MAGI3: variants seen among roughly 807,000 people sequenced by gnomAD.
MAGI3 encodes membrane associated guanylate kinase, WW and PDZ domain containing 3.
In MAGI3, 43 loss-of-function variants were observed where a neutral mutation model predicts 121.8. The ratio of observed to expected loss-of-function variants is 0.35; its 90% CI spans 0.28 to 0.46. MAGI3 has a LOEUF of 0.46. Among genes scored for constraint, MAGI3 ranks in the 20% least tolerant of loss-of-function variants. The probability of loss-of-function intolerance (pLI) is 1.00; values close to 1 mark genes in which losing one functional copy is unlikely to be tolerated. For missense variants in MAGI3, 1,547 were observed against 1,797.3 expected (o/e 0.86, Z 2.52); for synonymous variants, 553 against 639.3 (o/e 0.86, Z 2.04).
chr1:113,523,965 A>G (rs954530884), intron 1 of MAGI3, among the ~76,000 whole-genome samples: 5 of 152,244 alleles, frequency 3.3e-5, no homozygotes, highest in African/African-American at 1.2e-4. Flanking sequence ...TGCTGTGTGC[A>G]GTCTAGGGAC....
rs182711049 is a variant in MAGI3 at position 113,510,884 on chromosome 1, C to T, written c.317-38631C>T. 2.0e-4 allele frequency among the ~76,000 whole-genome samples: 30 copies of T among 152,274 alleles called. No homozygotes were observed. The East Asian group carries it at 3.5e-3, about 18-fold the overall frequency. The stretch of plus-strand genomic sequence containing the variant: ...TTTGCCCTGAGTATCCTTATTTTGC[C>T]GCTCAAATGTCCCTTGATTTCTCTA... On this transcript the variant is annotated intron_variant, in intron 1 of 20. Coordinates refer to ENST00000307546, the MANE Select transcript of MAGI3 (RefSeq NM_001142782.2).
intron 1 of MAGI3, among the ~76,000 whole-genome samples, chr1:113,531,807 T>C (rs1042043237): frequency 5.9e-5 from 9 of 152,134 alleles, no homozygotes; most frequent in Non-Finnish European, 1.3e-4. Flanking sequence ...TCACCATGTC[T>C]CCCTTTAAGG....
chr1:113,528,458 A>G (rs570154099), intron 1 of MAGI3, among the ~76,000 whole-genome samples: 1 of 152,254 alleles, frequency 6.6e-6, no homozygotes, highest in East Asian at 1.9e-4. Flanking sequence ...TTCAGATTAA[A>G]TGTTTTGGCA....
In MAGI3 at chr1:113,653,899, G is replaced by T; in HGVS notation, c.2510G>T (p.Arg837Leu). 1 of 1,613,944 alleles carries T rather than the reference G, an allele frequency of 6.2e-7. No homozygotes were observed. The highest frequency in any genetic ancestry group is 8.5e-7 in the Non-Finnish European group (1 of 1,179,914). ...STQNGSPRLN[R>L]AEVPARPAPQ... ...CAGAATGGATCTCCCCGCCTGAACC[G>T]GGCAGAGGTCCCAGCCAGGCCTGCA... The change falls in exon 15 of 21, where the codon CGG (arginine) becomes CTG (leucine). Residue 837 changes from arginine (R) to leucine (L), a missense_variant. Coordinates refer to ENST00000307546, the MANE Select transcript of MAGI3 (RefSeq NM_001142782.2).
At chr1:113,406,580 T>G (rs1570626414) in intron 1 of MAGI3, among the ~76,000 whole-genome samples, 1 of 152,008 alleles carries the variant, frequency 6.6e-6, no homozygotes, top group South Asian at 2.1e-4. Context: ...CTTATTAAAG[T>G]ATAAAAAATT....
intron 6 of MAGI3, among the ~76,000 whole-genome samples, chr1:113,612,388 C>A (rs942739734): frequency 6.6e-6 from 1 of 152,054 alleles, no homozygotes; most frequent in Non-Finnish European, 1.5e-5. Flanking sequence ...ACTATAAACT[C>A]CTTGAAGTCA....
chr1:113,637,188 G>T (rs1261497914), intron 9 of MAGI3, among the ~76,000 whole-genome samples: 1 of 152,108 alleles, frequency 6.6e-6, no homozygotes, highest in East Asian at 1.9e-4. Context: ...TATCCAATTT[G>T]CCAGTCTGTG....
At chr1:113,399,310 G>C (rs920591380) in intron 1 of MAGI3, among the ~76,000 whole-genome samples, 1 of 152,116 alleles carries the variant, frequency 6.6e-6, no homozygotes, top group African/African-American at 2.4e-5. Flanking sequence ...TTGGTCAGGC[G>C]TGGGGACATG....
chr1:113,399,367 G>A (rs1441923527), intron 1 of MAGI3, among the ~76,000 whole-genome samples: 5 of 152,206 alleles, frequency 3.3e-5, no homozygotes, highest in South Asian at 4.1e-4. Flanking sequence ...ATTAATAACT[G>A]TAGCAGAACC....
chr1:113,438,750 G>A (rs1653764331), intron 1 of MAGI3, among the ~76,000 whole-genome samples: 1 of 152,136 alleles, frequency 6.6e-6, no homozygotes, highest in African/African-American at 2.4e-5. Context: ...CCTCCCACTA[G>A]GTTCCACCTC....
intron 1 of MAGI3, among the ~76,000 whole-genome samples, chr1:113,438,550 A>T (rs1653753442): frequency 6.6e-6 from 1 of 152,216 alleles, no homozygotes; most frequent in Non-Finnish European, 1.5e-5. Flanking sequence ...ACAGTTAGGC[A>T]GGCTGTACAG....
intron 16 of MAGI3, among the ~76,000 whole-genome samples, chr1:113,665,568 A>G: frequency 6.6e-6 from 1 of 152,132 alleles, no homozygotes; most frequent in South Asian, 2.1e-4. Context: ...TATATTGTGT[A>G]TACGCGTATA....
At chr1:113,607,637 A>G (rs940252071) in intron 6 of MAGI3, among the ~76,000 whole-genome samples, 4 of 152,168 alleles carry the variant, frequency 2.6e-5, no homozygotes, top group Non-Finnish European at 4.4e-5. Flanking sequence ...CTTTAAAAAC[A>G]TCTATTTTTG....
At chr1:113,623,144 T>A (rs1570954971) in intron 9 of MAGI3, 150 bp downstream of exon 9, 1 of 559,032 alleles carries the variant, frequency 1.8e-6, no homozygotes, top group Non-Finnish European at 2.8e-6. Flanking sequence ...TACTTTAATT[T>A]AAAAAAAAGT....
rs752802869 is a variant in MAGI3, at chr1:113,646,533, G to A, written c.2046G>A (p.Glu682=). 2 of 1,613,062 alleles carry A rather than the reference G, an allele frequency of 1.2e-6. No individual in the cohort carries two copies. Among genetic ancestry groups the A allele is most frequent in the South Asian group, 2.2e-5 (2 of 90,890 alleles). The part of the protein sequence containing the change: ...ENAGSLEAIN[E]PIPQPMPFPP... ...CAGGAAGTTTGGAGGCCATAAATGAGCCTATTCCTCAGCCTATGCCTTTTC... is the reference window on the plus strand; with the variant it reads ...CAGGAAGTTTGGAGGCCATAAATGAACCTATTCCTCAGCCTATGCCTTTTC... The change falls in exon 12 of 21, where the codon GAG becomes GAA. Residue 682 remains glutamate, a synonymous_variant. Coordinates refer to ENST00000307546, the MANE Select transcript of MAGI3 (RefSeq NM_001142782.2).
At chr1:113,674,786 G>C (rs1056019992) in intron 19 of MAGI3, among the ~76,000 whole-genome samples, 5 of 152,154 alleles carry the variant, frequency 3.3e-5, no homozygotes, top group Non-Finnish European at 7.3e-5. Flanking sequence ...TGAGTTGGGA[G>C]AGTGACTCAA....
intron 9 of MAGI3, among the ~76,000 whole-genome samples, chr1:113,631,059 A>G (rs1049980952): frequency 6.6e-6 from 1 of 152,076 alleles, no homozygotes; most frequent in Admixed American, 6.6e-5. Flanking sequence ...TTGTTGGCAT[A>G]TGTCAGCTGA....
intron 1 of MAGI3, among the ~76,000 whole-genome samples, chr1:113,423,848 G>A (rs1344656591): frequency 7.1e-6 from 1 of 140,986 alleles, no homozygotes; most frequent in Non-Finnish European, 1.5e-5. Context: ...GGCATCCAAA[G>A]TTTCAGCCTC....
At chr1:113,453,536 C>T (rs1654588565) in intron 1 of MAGI3, among the ~76,000 whole-genome samples, 1 of 152,048 alleles carries the variant, frequency 6.6e-6, no homozygotes. Flanking sequence ...CACAAATTGG[C>T]ATAAAAGCAG....
Sources: allele counts gnomAD v4.1 joint callset (sites outside exome capture counted in the v4.1 genomes callset), GRCh38; gene constraint gnomAD v4.1.1; transcripts MANE v1.5; gene names NCBI Gene and HGNC (gene_info 2026-07-23, HGNC 2026-07-21).